Variants in FNBP4 observed in about 807,000 individuals in gnomAD.
FNBP4 encodes the protein formin-binding protein 4.
A neutral mutation model predicts 119.3 loss-of-function variants in FNBP4; 34 were observed. That is an observed-to-expected ratio of 0.28 (90% CI 0.22 to 0.38). FNBP4 has a LOEUF of 0.38. Among genes scored for constraint, FNBP4 ranks in the 10% least tolerant of loss-of-function variants. The probability of loss-of-function intolerance (pLI) is 1.00; values close to 1 mark genes in which losing one functional copy is unlikely to be tolerated. For missense variants in FNBP4, 1,112 were observed against 1,228.9 expected (o/e 0.90, Z 1.42); for synonymous variants, 462 against 430.6 (o/e 1.07, Z -0.90).
chr11:47,734,205 T>C, intron 9 of FNBP4, 76 bp from the exon 10 acceptor site: 1 of 770,386 alleles, frequency 1.3e-6, no homozygotes, highest in Admixed American at 3.3e-5. Context: ...CTTCATTTAT[T>C]CTTATAGATA....
At chr11:47,723,368 C>T (rs770551778) in intron 14 of FNBP4, 52 bp from the exon 15 acceptor site, 52 of 1,531,710 alleles carry the variant, frequency 3.4e-5, no homozygotes, top group Non-Finnish European at 4.4e-5. Flanking sequence ...ATGACAAGAA[C>T]AGATGCAATG....
At chr11:47,726,271 G>C (rs1227775100) in intron 12 of FNBP4, 1 of 152,174 alleles carries the variant, frequency 6.6e-6, no homozygotes, top group Non-Finnish European at 1.5e-5. Context: ...GTCTTGCTCT[G>C]TTGCCCAGGC....
Position 47,767,279 on chromosome 11 carries a change from T to C in FNBP4, c.10A>G (p.Lys4Glu). Residue 4 changes from lysine (K) to glutamate (E), a missense_variant, in exon 1 of 17, where the codon AAG becomes GAG. Physicochemically the swap from Lys to Glu is moderately conservative, Grantham distance 56. Around this residue, in one of 2 missense-constraint regions of FNBP4, gnomAD observed 286 missense variants for 240.1 expected, o/e 1.19. Transcript: ENST00000263773. Reference protein sequence around the residue: MGKKSRAVPGRRPI... With the variant: MGKESRAVPGRRPI... ...CTACGGCCGGGTACCGCCCGGGACT[T>C]CTTCCCCATCGCGAGCCCAAGCGCG... 1.3e-6 allele frequency: 2 copies of C among 1,526,480 alleles called. No homozygotes were observed. The highest frequency in any genetic ancestry group is 1.7e-6 in the Non-Finnish European group (2 of 1,144,704). The allele number at this position is 1,526,480 out of a possible 1,614,324, so 94.6% of individuals were successfully genotyped here.
At chr11:47,743,705 G>A (rs914706306) in intron 8 of FNBP4, 11 of 494,184 alleles carry the variant, frequency 2.2e-5, no homozygotes, top group African/African-American at 1.7e-4. Flanking sequence ...CGTAGACAGA[G>A]AGAAGAAATG....
intron 15 of FNBP4, among the ~76,000 whole-genome samples, chr11:47,722,397 T>C (rs1299446805): frequency 6.6e-6 from 1 of 151,836 alleles, no homozygotes. Context: ...CTATGCTTTT[T>C]AAGAGAAGCA....
chr11:47,717,721 C>T (rs1468937892), intron 16 of FNBP4, among the ~76,000 whole-genome samples: 2 of 152,254 alleles, frequency 1.3e-5, no homozygotes, highest in Admixed American at 1.3e-4. Context: ...CCCAGTTTTA[C>T]GTATATGTCT....
At chr11:47,766,412 A>T (rs1450362647) in intron 1 of FNBP4, among the ~76,000 whole-genome samples, 3 of 152,246 alleles carry the variant, frequency 2.0e-5, no homozygotes, top group Non-Finnish European at 2.9e-5. Flanking sequence ...TAGGACCTTT[A>T]CAAGACACAC....
At chr11:47,754,687 T>C (rs752714093) in intron 2 of FNBP4, 23 bp from the exon 3 acceptor site, 3 of 1,608,896 alleles carry the variant, frequency 1.9e-6, no homozygotes, top group African/African-American at 1.3e-5. Flanking sequence ...AGGTAAACAG[T>C]ATTTGTAACA....
intron 2 of FNBP4, among the ~76,000 whole-genome samples, chr11:47,758,903 C>G (rs1337417786): frequency 6.7e-6 from 1 of 150,192 alleles, no homozygotes; most frequent in East Asian, 2.0e-4. Flanking sequence ...AAGGACGTTT[C>G]TTAGATAGTG....
intron 2 of FNBP4, among the ~76,000 whole-genome samples, chr11:47,756,629 T>A (rs1000793883): frequency 7.9e-5 from 12 of 152,110 alleles, no homozygotes. Context: ...ATGTACTATG[T>A]TGGTGTGCTG....
rs1470938281 is a variant in FNBP4 at position 47,765,276 on chromosome 11, C to T, written c.307G>A (p.Ala103Thr). The T allele has an allele frequency of 6.2e-7, 1 of 1,605,068 alleles. No homozygotes were observed. ...AAACAAAACAAAAGCATACCTGTTG[C>T]TTTAACAGCTGTGGGTCTAGTGGTC... ...VMTTRPTAVK[A>T]TGGLCLLGAY... The change falls in exon 2 of 17, where the codon GCA (alanine) becomes ACA (threonine). Residue 103 changes from alanine (A) to threonine (T), a missense_variant. Physicochemically the swap from Ala to Thr is moderately conservative, Grantham distance 58. Around this residue, in one of 2 missense-constraint regions of FNBP4, gnomAD observed 286 missense variants for 240.1 expected, o/e 1.19. Coordinates refer to ENST00000263773, the MANE Select transcript of FNBP4 (RefSeq NM_015308.5).
intron 2 of FNBP4, among the ~76,000 whole-genome samples, chr11:47,757,290 C>A (rs1383461900): frequency 1.3e-5 from 2 of 152,090 alleles, no homozygotes; most frequent in African/African-American, 4.8e-5. Flanking sequence ...GCTCCGCTCA[C>A]TACAAGCTCT....
In FNBP4 at chr11:47,767,230, G is replaced by C. The variant is rs749192955; in HGVS notation, c.59C>G (p.Pro20Arg). The change falls in exon 1 of 17, where the codon CCG (proline) becomes CGG (arginine). Residue 20 changes from proline (P) to arginine (R), a missense_variant. Pro to Arg is a moderately radical substitution (Grantham distance 103). This residue lies in a region of FNBP4 where 286 missense variants were observed against 240.1 expected (regional missense o/e 1.19). Transcript: ENST00000263773. ...GCCCGGCGTGCTGCCCCGAGGACCC[G>C]GCGGAGAGAGTTGCAGGATGGGCCT... ...GRRPILQLSP[P>R]GPRGSTPGRD... 2.2e-5 allele frequency: 34 copies of C among 1,569,726 alleles called. No homozygotes were observed. The South Asian group carries it at 4.0e-4, about 18-fold the overall frequency.
At position 47,741,455 on chromosome 11, in the gene FNBP4, T is replaced by C. The variant is rs564564876; in HGVS notation, c.1456+2498A>G. On this transcript the variant is annotated intron_variant, in intron 8 of 16. Transcript: ENST00000263773. ...AAGTAAATATTATTGTTTCTATGAT[T>C]AAGCCACATTGATGCACATAACTAT... Among the ~76,000 whole-genome samples, 2 of 151,896 alleles carry C rather than the reference T, an allele frequency of 1.3e-5. 1 individual carries two copies. The highest frequency in any genetic ancestry group is 4.9e-5 in the African/African-American group (2 of 41,198).
intron 15 of FNBP4, among the ~76,000 whole-genome samples, chr11:47,721,275 AAAAT>A (rs949244907): frequency 4.6e-5 from 7 of 151,428 alleles, no homozygotes; most frequent in Middle Eastern, 3.4e-3. Flanking sequence ...TAAATAAATA[AAAAT>A]AAATAAATAA....
chr11:47,724,759 G>A lies in FNBP4; in HGVS notation c.2028C>T (p.Ser676=). 1 of 1,560,976 alleles carries A rather than the reference G, an allele frequency of 6.4e-7. No homozygotes were observed. The highest frequency in any genetic ancestry group is 8.7e-7 in the Non-Finnish European group (1 of 1,153,540). ...ATGAAGAAGAAACTTGACCAGAAAAGGATTCTTTACAAAGAGAACCTATGA... is the reference window on the plus strand; with the variant it reads ...ATGAAGAAGAAACTTGACCAGAAAAAGATTCTTTACAAAGAGAACCTATGA... ...ETSTGSLCKE[S]FSGQVSSSSL... is the part of the protein sequence containing the mutation. Residue 676 remains serine, a synonymous_variant, in exon 13 of 17, where the codon TCC becomes TCT. Coordinates refer to ENST00000263773, the MANE Select transcript of FNBP4 (RefSeq NM_015308.5).
intron 2 of FNBP4, among the ~76,000 whole-genome samples, chr11:47,761,400 C>T (rs1353143298): frequency 6.6e-6 from 1 of 152,090 alleles, no homozygotes; most frequent in Admixed American, 6.6e-5. Context: ...CAAGACCAGC[C>T]TGGCCAAGAT....
intron 2 of FNBP4, among the ~76,000 whole-genome samples, chr11:47,762,535 C>T (rs995887533): frequency 2.8e-4 from 43 of 152,032 alleles, no homozygotes; most frequent in African/African-American, 9.7e-4. Flanking sequence ...TGGGCTCAAG[C>T]GATCCTCCTG....
intron 8 of FNBP4, among the ~76,000 whole-genome samples, chr11:47,742,472 C>T (rs1228636231): frequency 9.9e-4 from 32 of 32,450 alleles, no homozygotes; most frequent in African/African-American, 2.5e-3. Context: ...AGCAAGACTC[C>T]GTCTCAAAAA....
Sources: gnomAD v4.1 joint callset for allele counts (sites outside exome capture counted in the v4.1 genomes callset) on GRCh38, gnomAD v4.1.1 for gene constraint, gnomAD v4.1.1 regional missense constraint, MANE v1.5 for transcripts, NCBI Gene and HGNC (gene_info 2026-07-23, HGNC 2026-07-21) for gene names.